NUP210L: variants seen among roughly 807,000 people sequenced by gnomAD.
NUP210L encodes the protein nucleoporin 210 like, also known as nuclear pore membrane glycoprotein 210-like.
A neutral mutation model predicts 208.5 loss-of-function variants in NUP210L; 74 were observed. The observed-to-expected ratio is 0.35, with a 90% CI of 0.29 to 0.43. NUP210L has a LOEUF of 0.43. Ranked by LOEUF, NUP210L falls within the 20% of genes least tolerant of loss-of-function variation. The pLI is 1.00. For synonymous variants in NUP210L, 780 were observed against 816.9 expected (o/e 0.95, Z 0.77); for missense variants, 1,843 against 2,289.4 (o/e 0.81, Z 3.98).
intron 34 of NUP210L, 126 bp downstream of exon 34, chr1:154,012,118 T>C: frequency 1.1e-6 from 1 of 909,100 alleles, no homozygotes; most frequent in Non-Finnish European, 1.7e-6. Context: ...CTATGATTTA[T>C]TTGTCAAGAT....
intron 27 of NUP210L, among the ~76,000 whole-genome samples, chr1:154,039,580 T>C (rs1652750392): frequency 6.6e-6 from 1 of 152,192 alleles, no homozygotes; most frequent in Non-Finnish European, 1.5e-5. Flanking sequence ...TCACTGGATA[T>C]ACTATTCTAG....
At chr1:153,995,872 T>C (rs1268266537) in intron 37 of NUP210L, 2 of 569,032 alleles carry the variant, frequency 3.5e-6, no homozygotes, top group Non-Finnish European at 6.8e-6. Context: ...GCTAAATGTG[T>C]TCGTGACTGG....
At chr1:154,027,716 AAC>A in intron 28 of NUP210L, 119 bp from the exon 29 acceptor site, 1 of 626,234 alleles carries the variant, frequency 1.6e-6, no homozygotes, top group Non-Finnish European at 2.8e-6. Flanking sequence ...ACTACGAATC[AAC>A]AGTCTGCCTA....
In NUP210L at chr1:154,098,553, G is replaced by A. The variant is rs143901850; in HGVS notation, c.1965+1445C>T. 1.3e-3 allele frequency among the ~76,000 whole-genome samples: 203 copies of A among 152,106 alleles called. 1 individual carries two copies. The highest frequency in any genetic ancestry group is 4.7e-3 in the African/African-American group (194 of 41,512). ...TACCTCTCTGCTGCTGGTCATCCCA[G>A]TGTCTGCAGCTCTCAGCAGAGAGGA... On this transcript the variant is annotated intron_variant, in intron 14 of 39. Transcript: ENST00000368559.
intron 29 of NUP210L, among the ~76,000 whole-genome samples, chr1:154,026,128 G>A (rs1428216566): frequency 2.6e-5 from 4 of 151,674 alleles, no homozygotes; most frequent in African/African-American, 4.8e-5. Context: ...CCAGCTTCTC[G>A]GGAGGCTGAG....
intron 16 of NUP210L, among the ~76,000 whole-genome samples, chr1:154,071,627 C>CTTTTTT (rs893742878): frequency 4.0e-5 from 4 of 99,796 alleles, no homozygotes; most frequent in Non-Finnish European, 5.8e-5. Flanking sequence ...CAATTCATTC[C>CTTTTTT]TTTTTTTTTT....
At chr1:154,132,107 T>TA (rs1658291913) in intron 7 of NUP210L, among the ~76,000 whole-genome samples, 1 of 152,162 alleles carries the variant, frequency 6.6e-6, no homozygotes, top group Admixed American at 6.5e-5. Flanking sequence ...GTGCCCATCC[T>TA]TGGTTTTTCT....
intron 16 of NUP210L, among the ~76,000 whole-genome samples, chr1:154,086,649 GA>G (rs1017813553): frequency 5.5e-4 from 77 of 141,068 alleles, no homozygotes; most frequent in African/African-American, 8.3e-4. Context: ...CATCTCTACA[GA>G]AAAAAAAAAA....
intron 38 of NUP210L, among the ~76,000 whole-genome samples, chr1:153,994,162 G>C (rs1440538167): frequency 2.6e-5 from 4 of 151,882 alleles, no homozygotes; most frequent in Non-Finnish European, 5.9e-5. Context: ...TTACAGGTGT[G>C]AGCCATTGCA....
At chr1:154,154,527 T>C (rs1659589286) in intron 1 of NUP210L, among the ~76,000 whole-genome samples, 1 of 152,088 alleles carries the variant, frequency 6.6e-6, no homozygotes, top group Non-Finnish European at 1.5e-5. Context: ...GGGCTTCCCT[T>C]TACCCTGACG....
At chr1:154,064,900 C>G (rs377121778) in intron 17 of NUP210L, among the ~76,000 whole-genome samples, 6 of 151,070 alleles carry the variant, frequency 4.0e-5, no homozygotes, top group African/African-American at 1.5e-4. Flanking sequence ...CATAGTGAAA[C>G]CCTGTCTCTA....
chr1:154,116,423 C>T (rs1385647305), intron 12 of NUP210L, among the ~76,000 whole-genome samples: 1 of 144,174 alleles, frequency 6.9e-6, no homozygotes. Flanking sequence ...GACTCCATCT[C>T]AGGGAAAAAA....
intron 31 of NUP210L, among the ~76,000 whole-genome samples, chr1:154,022,554 CT>C: frequency 6.6e-6 from 1 of 151,414 alleles, no homozygotes; most frequent in Non-Finnish European, 1.5e-5. Flanking sequence ...CCAGTAAAGC[CT>C]TTTGATAATA....
In NUP210L at chr1:154,010,153, T is replaced by C. The variant is rs749674601; in HGVS notation, c.4781-32A>G. ...AGCAGAAAAGAGGTAAATAGCTTTG[T>C]CACTAACAAGAATTTGTAAAAAGAG... is the stretch of plus-strand genomic sequence containing the variant. On this transcript the variant is annotated intron_variant, in intron 34 of 39. Transcript: ENST00000368559. 4.4e-6 allele frequency: 7 copies of C among 1,588,002 alleles called. No individual in the cohort carries two copies. In the East Asian group the frequency reaches 1.6e-4, roughly 36 times the overall value.
intron 37 of NUP210L, chr1:153,995,922 G>C: frequency 3.8e-6 from 2 of 524,732 alleles, no homozygotes; most frequent in South Asian, 1.5e-5. Context: ...GAAAATTGTT[G>C]TGAAAGTGTC....
At chr1:154,012,216 T>A (rs1201675300) in intron 34 of NUP210L, 28 bp downstream of exon 34, 1 of 1,606,332 alleles carries the variant, frequency 6.2e-7, no homozygotes, top group Non-Finnish European at 8.5e-7. Context: ...ATAGGAACAA[T>A]CACTGAAACC....
At chr1:154,103,671 CA>C (rs553564283) in intron 13 of NUP210L, among the ~76,000 whole-genome samples, 1,402 of 37,720 alleles carry the variant, frequency 0.037, 5 homozygotes, top group Non-Finnish European at 0.053. Context: ...GACTCCGTCT[CA>C]AAAAAAAAAA....
At chr1:153,995,490 T>A (rs1649793897) in intron 37 of NUP210L, 2 of 581,930 alleles carry the variant, frequency 3.4e-6, no homozygotes, top group Admixed American at 2.7e-5. Context: ...TCTTCCTATC[T>A]CCAGAGTAAT....
At chr1:154,072,149 G>A (rs1325007987) in intron 16 of NUP210L, among the ~76,000 whole-genome samples, 1 of 151,962 alleles carries the variant, frequency 6.6e-6, no homozygotes, top group Admixed American at 6.6e-5. Flanking sequence ...ACCCAGCACT[G>A]GGATTGCTGG....
Sources: gnomAD v4.1 joint callset for allele counts (sites outside exome capture counted in the v4.1 genomes callset) on GRCh38, gnomAD v4.1.1 for gene constraint, MANE v1.5 for transcripts, NCBI Gene and HGNC (gene_info 2026-07-23, HGNC 2026-07-21) for gene names.